Variants in CLUAP1 observed in about 807,000 individuals in gnomAD.
CLUAP1 encodes clusterin-associated protein 1.
CLUAP1 carries 50 observed loss-of-function variants against 55.0 expected under a neutral mutation model. That is an observed-to-expected ratio of 0.91 (90% CI 0.72 to 1.15). CLUAP1 has a LOEUF of 1.15. Ranked by LOEUF, CLUAP1 falls within the 50% of genes most tolerant of loss-of-function variation. The pLI is 0.00. For missense variants in CLUAP1, 530 were observed against 507.6 expected (o/e 1.04, Z -0.42); for synonymous variants, 195 against 175.4 (o/e 1.11, Z -0.88).
At chr16:3,515,833 A>G (rs58925711) in intron 6 of CLUAP1, among the ~76,000 whole-genome samples, 5,193 of 152,280 alleles carry the variant, frequency 0.034, 245 homozygotes, top group African/African-American at 0.1. Context: ...TAATTTGATA[A>G]TTATCAGTTA....
At chr16:3,510,562 C>T (rs1453078100) in intron 4 of CLUAP1, among the ~76,000 whole-genome samples, 2 of 152,114 alleles carry the variant, frequency 1.3e-5, no homozygotes, top group African/African-American at 4.8e-5. Flanking sequence ...TGCTACAGGC[C>T]GGGTCTTGGG....
chr16:3,520,737 C>T (rs1171202852), intron 7 of CLUAP1, among the ~76,000 whole-genome samples: 1 of 152,114 alleles, frequency 6.6e-6, no homozygotes, highest in Non-Finnish European at 1.5e-5. Context: ...AGATTTTAGA[C>T]TTTATTTAAA....
At chr16:3,508,156 C>T in intron 3 of CLUAP1, 133 bp from the exon 4 acceptor site, 1 of 721,558 alleles carries the variant, frequency 1.4e-6, no homozygotes, top group Admixed American at 3.1e-5. Context: ...GTTTGAGTCA[C>T]TTGAATGCTT....
At chr16:3,502,872 A>G (rs1056728035) in intron 1 of CLUAP1, among the ~76,000 whole-genome samples, 8 of 152,234 alleles carry the variant, frequency 5.3e-5, no homozygotes, top group African/African-American at 1.9e-4. Flanking sequence ...TCTTACTCAA[A>G]TTAGTGTCTA....
At chr16:3,530,326 T>C (rs2038089341) in intron 9 of CLUAP1, 1 of 414,796 alleles carries the variant, frequency 2.4e-6, no homozygotes, top group East Asian at 5.1e-5. Context: ...ACTTCTCAGG[T>C]CTGTATTGGT....
At chr16:3,524,677 T>G (rs936823689) in intron 8 of CLUAP1, among the ~76,000 whole-genome samples, 10 of 151,928 alleles carry the variant, frequency 6.6e-5, no homozygotes, top group African/African-American at 2.4e-4. Flanking sequence ...CATTGGAGAT[T>G]GTTTTGTAAA....
chr16:3,503,364 C>T (rs1284523192), intron 1 of CLUAP1, among the ~76,000 whole-genome samples: 1 of 152,124 alleles, frequency 6.6e-6, no homozygotes, highest in African/African-American at 2.4e-5. Context: ...GGGGTTTCAC[C>T]GTGTTAGCCA....
chr16:3,496,410 A>C, upstream of CLUAP1: 1 of 1,047,610 alleles, frequency 9.5e-7, no homozygotes, highest in Non-Finnish European at 1.4e-6. Context: ...ATGATCCGGA[A>C]GATGAAGCTT....
At chr16:3,495,841 C>G in the CLUAP1 span, among the ~76,000 whole-genome samples, 2 of 152,144 alleles carry the variant, frequency 1.3e-5, no homozygotes, top group Non-Finnish European at 2.9e-5. Context: ...GGCGGTGGCT[C>G]ATGCCTGTAA....
At chr16:3,524,205 G>A (rs1050455049) in intron 8 of CLUAP1, among the ~76,000 whole-genome samples, 2 of 151,870 alleles carry the variant, frequency 1.3e-5, no homozygotes, top group African/African-American at 4.8e-5. Context: ...GGGAGGCTGA[G>A]ATGGAAGGAT....
chr16:3,498,624 C>G (rs1267654712), upstream of CLUAP1, among the ~76,000 whole-genome samples: 1 of 152,152 alleles, frequency 6.6e-6, no homozygotes, highest in Non-Finnish European at 1.5e-5. Context: ...GCCTGGCCAA[C>G]ATAGGCGGGC....
At chr16:3,522,639 A>T (rs1250529721) in intron 7 of CLUAP1, among the ~76,000 whole-genome samples, 1 of 150,978 alleles carries the variant, frequency 6.6e-6, no homozygotes, top group Non-Finnish European at 1.5e-5. Flanking sequence ...GCAGCCTTGA[A>T]CTCCAGGGCT....
upstream of CLUAP1, chr16:3,496,355 T>A: frequency 8.3e-7 from 1 of 1,209,064 alleles, no homozygotes; most frequent in Non-Finnish European, 1.2e-6. Context: ...GCTGAAGAGG[T>A]TGTTTATGAG....
chr16:3,513,235 G>A (rs939881062), intron 5 of CLUAP1, among the ~76,000 whole-genome samples: 7 of 152,272 alleles, frequency 4.6e-5, no homozygotes, highest in African/African-American at 1.7e-4. Flanking sequence ...AATGTGACCT[G>A]GGCATTGGGA....
chr16:3,529,734 T>TA (rs1567440209), intron 9 of CLUAP1, among the ~76,000 whole-genome samples: 5 of 24,670 alleles, frequency 2.0e-4, no homozygotes, highest in Admixed American at 8.3e-4. Flanking sequence ...ATTATATATA[T>TA]TATTATATAT....
At chr16:3,507,279 G>A (rs1470365834) in intron 3 of CLUAP1, among the ~76,000 whole-genome samples, 10 of 151,944 alleles carry the variant, frequency 6.6e-5, no homozygotes, top group African/African-American at 1.7e-4. Context: ...TAGGCTGGGC[G>A]TGGTTGTTCA....
chr16:3,496,850 C>A, upstream of CLUAP1: 1 of 273,744 alleles, frequency 3.7e-6, no homozygotes, highest in South Asian at 3.6e-5. Flanking sequence ...TCACAGACGA[C>A]CTGATTTTTC....
Position 3,530,594 on chromosome 16 carries a change from C to T in CLUAP1, c.955C>T (p.Gln319Ter). The T allele has an allele frequency of 6.2e-7, 1 of 1,613,902 alleles. No homozygotes were observed. Residue 319 changes from glutamine to a stop codon, truncating the protein, a stop_gained, in exon 10 of 12, where the codon CAG becomes TAG. Coordinates refer to ENST00000576634, the MANE Select transcript of CLUAP1 (RefSeq NM_015041.3). LOFTEE classifies it high-confidence loss of function. ...GSNDDSDIDI[Q>*]EDDESDSELE... is the part of the protein sequence containing the mutation. Reference sequence around the variant, plus strand: ...TAACGATGACTCGGACATAGACATCCAGGAGGACGATGAATCCGACAGTGA... The same window carrying T: ...TAACGATGACTCGGACATAGACATCTAGGAGGACGATGAATCCGACAGTGA...
At position 3,501,155 on chromosome 16, in the gene CLUAP1, G is replaced by A. The variant is rs1596379670; in HGVS notation, c.22+66G>A. The A allele has an allele frequency of 4.0e-6, 6 of 1,497,588 alleles. No homozygotes were observed. In the East Asian group the frequency reaches 7.3e-5, roughly 18 times the overall value. The allele number at this position is 1,497,588 out of a possible 1,614,324, so 92.8% of individuals were successfully genotyped here. A position where few individuals can be genotyped will look rare whatever the true frequency, so the allele number is the denominator to read the frequency against. ...GAGATTCAGGGCTCCCGCCCGCCGG[G>A]TCCCCTGTGTAGGCGATCCCTGAGG... On this transcript the variant is annotated intron_variant, in intron 1 of 11. Transcript: ENST00000576634.
Sources: allele counts gnomAD v4.1 joint callset (sites outside exome capture counted in the v4.1 genomes callset), GRCh38; gene constraint gnomAD v4.1.1; transcripts MANE v1.5; gene names NCBI Gene and HGNC (gene_info 2026-07-23, HGNC 2026-07-21).